The following PRRC2B variants were observed in gnomAD, a reference collection of about 807,000 sequenced individuals.
The protein encoded by PRRC2B is protein PRRC2B.
PRRC2B carries 68 observed loss-of-function variants against 242.3 expected under a neutral mutation model. The observed-to-expected ratio is 0.28, with a 90% CI of 0.23 to 0.34. The LOEUF is 0.34. Ranked by LOEUF, PRRC2B falls within the 10% of genes least tolerant of loss-of-function variation. PRRC2B has a pLI of 1.00. For missense variants in PRRC2B, 2,835 were observed against 2,954.8 expected, an observed-to-expected ratio of 0.96 and a Z score of 0.94; for synonymous variants, 1,228 against 1,173.6, an observed-to-expected ratio of 1.05 and a Z score of -0.95.
chr9:131,487,387 TC>T lies in PRRC2B; in HGVS notation c.5984+94del. The T allele has an allele frequency of 9.0e-7, 1 of 1,110,444 alleles. No homozygotes were observed. The highest frequency in any genetic ancestry group is 1.2e-6 in the Non-Finnish European group (1 of 804,988). 68.8% of individuals were successfully genotyped at this position (1,110,444 alleles called of 1,614,324 possible). A position where few individuals can be genotyped will look rare whatever the true frequency, so the allele number is the denominator to read the frequency against. ...TCGTCCTGCAGCTGTTTGGTGCTTGTCTGCTTTGGGGCCAGTGGGGCGGGGA... is the reference window on the plus strand; with the variant it reads ...TCGTCCTGCAGCTGTTTGGTGCTTGTTGCTTTGGGGCCAGTGGGGCGGGGA... On this transcript the variant is annotated intron_variant, in intron 27 of 31. Transcript: ENST00000683519. This position sits in a 1 kb window ranked among gnomAD's most constrained non-coding sequence, Gnocchi z 5.3.
chr9:131,480,256 C>T (rs557365234), intron 19 of PRRC2B, among the ~76,000 whole-genome samples: 2 of 152,326 alleles, frequency 1.3e-5, no homozygotes, highest in South Asian at 2.1e-4. Flanking sequence ...TCACTGTTTC[C>T]ACATAGCTTG....
intron 1 of PRRC2B, among the ~76,000 whole-genome samples, chr9:131,398,719 C>G (rs948550280): frequency 4.6e-5 from 7 of 152,206 alleles, no homozygotes; most frequent in African/African-American, 1.7e-4. Flanking sequence ...TGGCTCATGC[C>G]TGTAATCCCA....
Position 131,446,671 on chromosome 9 carries a change from C to T in PRRC2B, c.855+29C>T. On this transcript the variant is annotated intron_variant, in intron 7 of 31. Transcript: ENST00000683519. The surrounding 1 kb of genome is among the most constrained non-coding windows in gnomAD (Gnocchi z 4.1). ...AGTCTTCAGAGTGTACTTTTTTTCC[C>T]CCCATGAAGTTGGATTGTGTCCAGC... is the stretch of plus-strand genomic sequence containing the variant. The T allele has an allele frequency of 6.2e-7, 1 of 1,610,630 alleles. No homozygotes were observed. Among genetic ancestry groups the T allele is most frequent in the Non-Finnish European group, 8.5e-7 (1 of 1,177,594 alleles).
intron 1 of PRRC2B, among the ~76,000 whole-genome samples, chr9:131,416,964 T>C (rs902701164): frequency 1.3e-5 from 2 of 152,210 alleles, no homozygotes; most frequent in African/African-American, 4.8e-5. Flanking sequence ...CTTTGATCTC[T>C]GGCACTGTCT....
intron 1 of PRRC2B, 72 bp downstream of exon 1, chr9:131,394,335 C>G (rs1247626998): frequency 6.8e-6 from 1 of 146,296 alleles, no homozygotes; most frequent in Non-Finnish European, 1.5e-5. Flanking sequence ...GCGGCCCGGC[C>G]GGGCTTTGTC....
At chr9:131,484,811 G>A (rs777681410) in intron 24 of PRRC2B, 21 bp downstream of exon 24, 3 of 1,591,916 alleles carry the variant, frequency 1.9e-6, no homozygotes, top group South Asian at 1.1e-5. Context: ...CCCTGAGCTG[G>A]GTGAGGGCCC....
At chr9:131,418,097 A>G (rs946950773) in intron 1 of PRRC2B, among the ~76,000 whole-genome samples, 2 of 152,256 alleles carry the variant, frequency 1.3e-5, no homozygotes, top group African/African-American at 4.8e-5. Context: ...GAGTTCAGCC[A>G]GCTGCAGGGG....
At chr9:131,444,046 C>T in intron 5 of PRRC2B, 139 bp from the exon 6 acceptor site, 1 of 931,988 alleles carries the variant, frequency 1.1e-6, no homozygotes, top group Non-Finnish European at 1.6e-6. Flanking sequence ...TGGCATCTGC[C>T]AGCACAGAGC....
rs79685887 is a variant in PRRC2B, at chr9:131,470,497, G to T, written c.1912-291G>T. Among the ~76,000 whole-genome samples, 1,435 of 152,304 alleles carry T rather than the reference G, an allele frequency of 9.4e-3. 28 individuals carry two copies. The highest frequency in any genetic ancestry group is 0.033 in the African/African-American group (1,357 of 41,562). On this transcript the variant is annotated intron_variant, in intron 13 of 31. Coordinates refer to ENST00000683519, the MANE Select transcript of PRRC2B (RefSeq NM_013318.4). Reference sequence around the variant, plus strand: ...GGGAGGCTGCTGTTCGGTTCCAGGAGTGTCTGATCTAGGTGAAAACCTAGC... The same window carrying T: ...GGGAGGCTGCTGTTCGGTTCCAGGATTGTCTGATCTAGGTGAAAACCTAGC...
chr9:131,489,175 T>C (rs998539981), intron 28 of PRRC2B, among the ~76,000 whole-genome samples: 169 of 147,750 alleles, frequency 1.1e-3, no homozygotes, highest in African/African-American at 4.1e-3. Context: ...GTGACCCAAC[T>C]CCAAAATTCT....
intron 2 of PRRC2B, among the ~76,000 whole-genome samples, chr9:131,431,574 CT>C (rs1453324747): frequency 1.4e-5 from 2 of 141,102 alleles, no homozygotes; most frequent in African/African-American, 5.3e-5. Flanking sequence ...CAGTGTTATC[CT>C]TAATAAAGAA....
At position 131,421,857 on chromosome 9, in the gene PRRC2B, T is replaced by C. The variant is rs1016596714; in HGVS notation, c.-51-8237T>C. On this transcript the variant is annotated intron_variant, in intron 1 of 31. Transcript: ENST00000683519. ...CAGAAAGCAGCTGTTGAGCCTGGGC[T>C]GACTTATATCAGAACCCATTGTGCC... Among the ~76,000 whole-genome samples, 8 of 152,276 alleles carry C rather than the reference T, an allele frequency of 5.3e-5. No individual in the cohort carries two copies. The East Asian group carries it at 1.4e-3, about 26-fold the overall frequency.
chr9:131,492,321 C>A (rs1944219472), intron 30 of PRRC2B, 61 bp downstream of exon 30: 2 of 1,365,958 alleles, frequency 1.5e-6, no homozygotes, highest in Admixed American at 3.4e-5. Context: ...AGCTGCGGCC[C>A]AGTGACTCAG....
upstream of PRRC2B, among the ~76,000 whole-genome samples, chr9:131,389,432 C>T (rs1013334071): frequency 1.3e-5 from 2 of 150,642 alleles, no homozygotes; most frequent in African/African-American, 4.8e-5. Context: ...GCTAGGATCA[C>T]ATGCATGAGC....
intron 9 of PRRC2B, among the ~76,000 whole-genome samples, chr9:131,453,886 TATAAC>T (rs1242280373): frequency 6.6e-5 from 10 of 152,250 alleles, no homozygotes; most frequent in Non-Finnish European, 1.5e-4. Flanking sequence ...ATAATTGTCA[TATAAC>T]ATAAAATTTA....
rs776797637 is a variant in PRRC2B at position 131,481,803 on chromosome 9, G to T, written c.4978G>T (p.Ala1660Ser). Residue 1660 changes from alanine (A) to serine (S), a missense_variant, in exon 20 of 32, where the codon GCG becomes TCG. Ala to Ser is a moderately conservative substitution (Grantham distance 99). Coordinates refer to ENST00000683519, the MANE Select transcript of PRRC2B (RefSeq NM_013318.4). The stretch of plus-strand genomic sequence containing the variant: ...CTTCAGCAGCACCGAGACTGGCTCT[G>T]CGGAGGTGAGTGTGGCCGCTGCCCA... The part of the protein sequence containing the change: ...TAFSSTETGS[A>S]EQGFKSSQGD... 1 of 1,556,562 alleles carries T rather than the reference G, an allele frequency of 6.4e-7. No individual in the cohort carries two copies. The highest frequency in any genetic ancestry group is 1.2e-5 in the South Asian group (1 of 84,520).
Position 131,444,375 on chromosome 9 carries a change from C to T in PRRC2B, c.613+47C>T, listed in dbSNP as rs528464540. 2.5e-5 allele frequency: 39 copies of T among 1,581,190 alleles called. No individual in the cohort carries two copies. The South Asian group carries it at 3.4e-4, about 14-fold the overall frequency. On this transcript the variant is annotated intron_variant, in intron 6 of 31. Coordinates refer to ENST00000683519, the MANE Select transcript of PRRC2B (RefSeq NM_013318.4). ...GCACTCGATGGAGTAACAGAACTTC[C>T]TCCTCTCATCTCTCTGCACTCCTAA...
intron 14 of PRRC2B, among the ~76,000 whole-genome samples, 189 bp from the exon 15 acceptor site, chr9:131,473,319 A>ATG (rs566046437): frequency 6.6e-6 from 1 of 152,126 alleles, no homozygotes; most frequent in Non-Finnish European, 1.5e-5. Flanking sequence ...GGCAGGGTGC[A>ATG]TGTGTGTGTG....
chr9:131,470,913 C>G lies in PRRC2B; in HGVS notation c.2037C>G (p.Ser679=), dbSNP rs368026975. The change falls in exon 14 of 32, where the codon TCC becomes TCG. Residue 679 remains serine (S), a synonymous_variant. Coordinates refer to ENST00000683519, the MANE Select transcript of PRRC2B (RefSeq NM_013318.4). ...GFDPRWMMMP[S]YMDPRITPTR... is the part of the protein sequence containing the mutation. ...ATCCCAGGTGGATGATGATGCCTTC[C>G]TACATGGACCCACGTATCACGCCCA... 56 of 1,612,368 alleles carry G rather than the reference C, an allele frequency of 3.5e-5. No individual in the cohort carries two copies. The highest frequency in any genetic ancestry group is 4.4e-5 in the Non-Finnish European group (52 of 1,178,924).
Sources: gnomAD v4.1 joint callset for allele counts (sites outside exome capture counted in the v4.1 genomes callset) on GRCh38, gnomAD v4.1.1 for gene constraint, Gnocchi (gnomAD v3.1) non-coding constraint, MANE v1.5 for transcripts, NCBI Gene and HGNC (gene_info 2026-07-23, HGNC 2026-07-21) for gene names.